TMC5: variants seen among roughly 807,000 people sequenced by gnomAD.
TMC5 encodes transmembrane channel-like protein 5.
TMC5 carries 86 observed loss-of-function variants against 110.5 expected under a neutral mutation model. That is an observed-to-expected ratio of 0.78 (90% CI 0.65 to 0.93). The LOEUF is 0.93. TMC5 is among the 40% of genes least tolerant of loss of function. The pLI is 0.00. For synonymous variants in TMC5, 455 were observed against 439.5 expected (o/e 1.04, Z -0.44); for missense variants, 1,144 against 1,222.8 (o/e 0.94, Z 0.96).
chr16:19,471,263 A>G lies in TMC5; in HGVS notation c.1783-825A>G, dbSNP rs111567206. ...ACACCACCATGCCCAACTAATTTTT[A>G]AATTTTTTGTAGAGAGAGAATCTCA... On this transcript the variant is annotated intron_variant, in intron 10 of 21. Transcript: ENST00000542583. Among the ~76,000 whole-genome samples, 1,446 of 151,970 alleles carry G rather than the reference A, an allele frequency of 9.5e-3. 21 individuals carry two copies. The highest frequency in any genetic ancestry group is 0.033 in the African/African-American group (1,375 of 41,422).
chr16:19,490,067 G>A (rs1202948744), intron 17 of TMC5, among the ~76,000 whole-genome samples: 1 of 152,132 alleles, frequency 6.6e-6, no homozygotes, highest in South Asian at 2.1e-4. Flanking sequence ...TTAGAGGCAT[G>A]AGCCATAGTG....
chr16:19,422,575 T>C (rs555109752), intron 1 of TMC5, among the ~76,000 whole-genome samples: 43 of 152,322 alleles, frequency 2.8e-4, no homozygotes, highest in African/African-American at 9.9e-4. Context: ...ACGTCTGTTG[T>C]AGCCCAAGCA....
At chr16:19,450,937 T>A (rs915071084) in intron 5 of TMC5, among the ~76,000 whole-genome samples, 1 of 152,146 alleles carries the variant, frequency 6.6e-6, no homozygotes, top group African/African-American at 2.4e-5. Flanking sequence ...CTGTGTGTGG[T>A]GATGAAGGTT....
intron 5 of TMC5, among the ~76,000 whole-genome samples, chr16:19,458,315 A>G (rs1967938391): frequency 6.6e-6 from 1 of 152,078 alleles, no homozygotes; most frequent in African/African-American, 2.4e-5. Flanking sequence ...GGTTCAAGCA[A>G]TTATCCTGCC....
At chr16:19,496,201 T>C (rs1265096448) in intron 20 of TMC5, among the ~76,000 whole-genome samples, 1 of 152,038 alleles carries the variant, frequency 6.6e-6, no homozygotes, top group African/African-American at 2.4e-5. Flanking sequence ...TGAATATTTC[T>C]GCCACAAAGC....
At chr16:19,489,235 A>G (rs1333187904) in intron 17 of TMC5, among the ~76,000 whole-genome samples, 1 of 152,218 alleles carries the variant, frequency 6.6e-6, no homozygotes, top group Non-Finnish European at 1.5e-5. Flanking sequence ...GCAGGGGCGC[A>G]ATCACAGCTC....
At chr16:19,421,936 A>G (rs146374145) in intron 1 of TMC5, among the ~76,000 whole-genome samples, 54 of 152,128 alleles carry the variant, frequency 3.5e-4, no homozygotes, top group African/African-American at 1.2e-3. Context: ...TCTCTTAAAA[A>G]AGAGAGAGAG....
intron 1 of TMC5, among the ~76,000 whole-genome samples, chr16:19,425,484 A>C (rs1567296839): frequency 1.3e-5 from 2 of 152,110 alleles, no homozygotes; most frequent in African/African-American, 4.8e-5. Flanking sequence ...TTGACAGAGA[A>C]AATATACACA....
At chr16:19,495,978 T>TA (rs1969042270) in intron 20 of TMC5, among the ~76,000 whole-genome samples, 2 of 151,352 alleles carry the variant, frequency 1.3e-5, no homozygotes, top group Admixed American at 1.3e-4. Context: ...AGTAAAAATA[T>TA]AAAAAACAAA....
chr16:19,440,392 C>T lies in TMC5; in HGVS notation c.354C>T (p.Tyr118=). The T allele has an allele frequency of 1.9e-6, 3 of 1,614,122 alleles. No individual in the cohort carries two copies. The highest frequency in any genetic ancestry group is 2.5e-6 in the Non-Finnish European group (3 of 1,180,022). ...PDYSEFQSHP[Y]HRASSRQPDY... ...ATAGTGAATTTCAGAGTCATCCCTA[C>T]CACCGAGCATCATCCAGACAACCAG... The change falls in exon 3 of 22, where the codon TAC becomes TAT. Residue 118 remains tyrosine, a synonymous_variant. Coordinates refer to ENST00000542583, the MANE Select transcript of TMC5 (RefSeq NM_001261841.2).
Position 19,440,827 on chromosome 16 carries a change from G to A in TMC5, c.788+1G>A. The A allele has an allele frequency of 7.4e-6, 12 of 1,611,528 alleles. No individual in the cohort carries two copies. Among genetic ancestry groups the A allele is most frequent in the Non-Finnish European group, 1.0e-5 (12 of 1,179,104 alleles). ...CTGAGACCCCAAAGATGACCAGGGG[G>A]TAAGTTCAGATATATATCCCTTCAC... On this transcript the variant is annotated splice_donor_variant, in intron 3 of 21. Coordinates refer to ENST00000542583, the MANE Select transcript of TMC5 (RefSeq NM_001261841.2). LOFTEE classifies it high-confidence loss of function.
chr16:19,477,858 G>A (rs1968526883), intron 13 of TMC5, among the ~76,000 whole-genome samples: 1 of 152,200 alleles, frequency 6.6e-6, no homozygotes, highest in African/African-American at 2.4e-5. Flanking sequence ...ATAGACACTA[G>A]TAATTTTAGT....
chr16:19,422,984 C>T (rs1018531456), intron 1 of TMC5, among the ~76,000 whole-genome samples: 4 of 151,980 alleles, frequency 2.6e-5, no homozygotes, highest in Admixed American at 2.0e-4. Flanking sequence ...TTCAGCCAGT[C>T]GTGGTGGCAT....
chr16:19,414,351 G>C (rs1244901460), upstream of TMC5, among the ~76,000 whole-genome samples: 1 of 152,014 alleles, frequency 6.6e-6, no homozygotes, highest in Non-Finnish European at 1.5e-5. Context: ...CAATACTCAT[G>C]CAAATTATTT....
intron 1 of TMC5, among the ~76,000 whole-genome samples, chr16:19,421,198 C>T (rs866901529): frequency 6.6e-6 from 1 of 151,856 alleles, no homozygotes; most frequent in Non-Finnish European, 1.5e-5. Flanking sequence ...ATTTTTTTTT[C>T]ATCATGGGTT....
chr16:19,493,445 GTCTC>G (rs758091886), intron 19 of TMC5, among the ~76,000 whole-genome samples: 2,065 of 58,296 alleles, frequency 0.035, 25 homozygotes, highest in Non-Finnish European at 0.062. Context: ...TTTGGTTAAT[GTCTC>G]TCTCTCTCTC....
chr16:19,456,656 A>C, intron 5 of TMC5: 1 of 1,566,734 alleles, frequency 6.4e-7, no homozygotes, highest in Non-Finnish European at 8.7e-7. Context: ...TGCTGTATGA[A>C]GTCTCAGGAA....
At chr16:19,497,604 G>T (rs1303329918) in intron 21 of TMC5, among the ~76,000 whole-genome samples, 1 of 152,240 alleles carries the variant, frequency 6.6e-6, no homozygotes, top group Non-Finnish European at 1.5e-5. Flanking sequence ...TTCATCTGTA[G>T]ATGCAGGTGG....
At chr16:19,443,367 C>T (rs997398953) in intron 3 of TMC5, among the ~76,000 whole-genome samples, 28 of 152,070 alleles carry the variant, frequency 1.8e-4, no homozygotes, top group Non-Finnish European at 5.9e-5. Flanking sequence ...CTTGGAATGC[C>T]CTCCCTTTAT....
Sources: gnomAD v4.1 joint callset for allele counts (sites outside exome capture counted in the v4.1 genomes callset) on GRCh38, gnomAD v4.1.1 for gene constraint, MANE v1.5 for transcripts, NCBI Gene and HGNC (gene_info 2026-07-23, HGNC 2026-07-21) for gene names.